C10orf105: variants seen among roughly 807,000 people sequenced by gnomAD.
The protein encoded by C10orf105 is uncharacterized protein C10orf105.
C10orf105 carries 2 observed loss-of-function variants against 0.6 expected under a neutral mutation model. The observed-to-expected ratio is 3.18, with a 90% CI of 1.30 to 10.01. C10orf105 has a LOEUF of 10.01. Among genes scored for constraint, C10orf105 ranks in the 30% most tolerant of loss-of-function variants. C10orf105 has a pLI of 0.04. For missense variants in C10orf105, 209 were observed against 191.4 expected (o/e 1.09, Z -0.54); for synonymous variants, 95 against 82.4 (o/e 1.15, Z -0.83).
In C10orf105 at chr10:71,712,825, G is replaced by C. The variant is rs187975106; in HGVS notation, c.*3111C>G. 6.2e-7 allele frequency: 1 copy of C among 1,608,272 alleles called. No homozygotes were observed. The highest frequency in any genetic ancestry group is 1.7e-5 in the Admixed American group (1 of 59,156). ...ACAGCATCTTGCAGGCAGGTGGCCC[G>C]TGGCCTCTGGGGCAGGTGGTGGGCT... On this transcript the variant is annotated 3_prime_UTR_variant, in exon 2 of 2. Coordinates refer to ENST00000441508, the MANE Select transcript of C10orf105 (RefSeq NM_001164375.3).
chr10:71,729,520 G>A (rs750491224), intron 1 of C10orf105, among the ~76,000 whole-genome samples: 13 of 152,154 alleles, frequency 8.5e-5, no homozygotes, highest in African/African-American at 2.9e-4. Context: ...CCTAGGGGAC[G>A]GAAGTTCCCA....
rs567764577 is a variant in C10orf105, at chr10:71,730,677, T to G, written c.-6+7051A>C. On this transcript the variant is annotated intron_variant, in intron 1 of 1. Coordinates refer to the C10orf105 transcript ENST00000398786. ...CTCCCCAGCTCACCCAGCCCCTCCT[T>G]CGAAACGGTCATCCCTGATGCTTCA... 1.9e-6 allele frequency: 3 copies of G among 1,581,812 alleles called. No homozygotes were observed. In the East Asian group the frequency reaches 6.9e-5, roughly 36 times the overall value.
At position 71,729,314 on chromosome 10, in the gene C10orf105, A is replaced by T. The variant is rs562624128; in HGVS notation, c.-6+8414T>A. Among the ~76,000 whole-genome samples the T allele has an allele frequency of 2.6e-5, 4 of 152,342 alleles. No individual in the cohort carries two copies. In the South Asian group the frequency reaches 8.3e-4, roughly 32 times the overall value. ...CTGAGACAAGGATTGGTGTGAAAGT[A>T]ATGTGTAAGAAGCGCCCACAGGAAA... On this transcript the variant is annotated intron_variant, in intron 1 of 1. Coordinates refer to the C10orf105 transcript ENST00000398786.
At chr10:71,734,679 G>A (rs1005390544) in intron 1 of C10orf105, 5 of 1,398,662 alleles carry the variant, frequency 3.6e-6, no homozygotes, top group Non-Finnish European at 3.9e-6. Flanking sequence ...TGTGGCTGGA[G>A]CTTCCCCTGT....
upstream of C10orf105, among the ~76,000 whole-genome samples, chr10:71,723,155 G>A (rs140318634): frequency 1.4e-3 from 210 of 152,266 alleles, no homozygotes; most frequent in Non-Finnish European, 2.6e-3. Flanking sequence ...GAGAGCCCAG[G>A]GCCTTACAAA....
In C10orf105 at chr10:71,713,359, T is replaced by C; in HGVS notation, c.*2577A>G. The C allele has an allele frequency of 1.3e-6, 1 of 754,226 alleles. No homozygotes were observed. Among genetic ancestry groups the C allele is most frequent in the South Asian group, 1.4e-5 (1 of 71,814 alleles). 46.7% of individuals were successfully genotyped at this position (754,226 alleles called of 1,614,324 possible). On this transcript the variant is annotated 3_prime_UTR_variant, in exon 2 of 2. Coordinates refer to ENST00000441508, the MANE Select transcript of C10orf105 (RefSeq NM_001164375.3). ...GCACCCACACCTCTGCCCAGAGGCC[T>C]CAGTTGCTGGGTGGGGAGGGAGGCC... is the stretch of plus-strand genomic sequence containing the variant.
In C10orf105 at chr10:71,713,811, A is replaced by C. The variant is rs1866094094; in HGVS notation, c.*2125T>G. ...CCCCCACCCCAACCTCCAGGAAGAC[A>C]GTGCCTAGTGGCCAGCAGGGCCTGC... On this transcript the variant is annotated 3_prime_UTR_variant, in exon 2 of 2. Transcript: ENST00000441508. 6.4e-6 allele frequency: 1 copy of C among 155,926 alleles called. No homozygotes were observed. 9.7% of individuals were successfully genotyped at this position (155,926 alleles called of 1,614,324 possible).
chr10:71,716,406 G>C, intron 1 of C10orf105, 64 bp from the exon 2 acceptor site: 1 of 1,347,374 alleles, frequency 7.4e-7, no homozygotes, highest in Non-Finnish European at 9.9e-7. Flanking sequence ...GCGGGTATAG[G>C]GAAGACTTAC....
intron 1 of C10orf105, chr10:71,737,697 C>A (rs896087110): frequency 2.1e-6 from 1 of 470,426 alleles, no homozygotes; most frequent in Non-Finnish European, 4.4e-6. Context: ...TCCAACCCCC[C>A]TCACACCCTC....
In C10orf105 at chr10:71,716,024, T is replaced by A; in HGVS notation, c.314A>T (p.His105Leu). 1 of 1,500,570 alleles carries A rather than the reference T, an allele frequency of 6.7e-7. No individual in the cohort carries two copies. Among genetic ancestry groups the A allele is most frequent in the East Asian group, 2.5e-5 (1 of 40,264 alleles). 93.0% of individuals were successfully genotyped at this position (1,500,570 alleles called of 1,614,324 possible). A position where few individuals can be genotyped will look rare whatever the true frequency, so the allele number is the denominator to read the frequency against. ...CTGTCGAGGGACGGTGGGCCGGCCA[T>A]GGCGGAAGCTGTGCAGGGAGAGGCG... ...SLRLSLHSFR[H>L]GRPTVPRQPL... is the part of the protein sequence containing the mutation. Residue 105 changes from histidine to leucine, a missense_variant, in exon 2 of 2, where the codon CAT (histidine) becomes CTT (leucine). His to Leu is a moderately conservative substitution (Grantham distance 99). Coordinates refer to ENST00000441508, the MANE Select transcript of C10orf105 (RefSeq NM_001164375.3).
Position 71,713,211 on chromosome 10 carries a change from G to T in C10orf105, c.*2725C>A, listed in dbSNP as rs753237116. ...AGCTGCTTTCACAGAGCCCTTGGCC[G>T]AGGCTCCCCTCTTGGGAAGTAAACA... On this transcript the variant is annotated 3_prime_UTR_variant, in exon 2 of 2. Transcript: ENST00000441508. 1.3e-6 allele frequency: 1 copy of T among 779,176 alleles called. No homozygotes were observed. Among genetic ancestry groups the T allele is most frequent in the East Asian group, 2.4e-5 (1 of 41,246 alleles). 48.3% of individuals were successfully genotyped at this position (779,176 alleles called of 1,614,324 possible).
chr10:71,716,680 C>T (rs1338268263), intron 1 of C10orf105: 6 of 230,756 alleles, frequency 2.6e-5, no homozygotes, highest in Non-Finnish European at 4.2e-5. Flanking sequence ...AAACTTAAGA[C>T]CAACTCTGTC....
Position 71,728,527 on chromosome 10 carries a change from A to G in C10orf105, c.-6+9201T>C, listed in dbSNP as rs368362214. On this transcript the variant is annotated intron_variant, in intron 1 of 1. Transcript: ENST00000398786. The stretch of plus-strand genomic sequence containing the variant: ...CCAGCTGATTCCCAGCTAATCCCCA[A>G]AGAGAAAGCAGGGCTGATCCCAGAG... Among the ~76,000 whole-genome samples the G allele has an allele frequency of 2.6e-5, 4 of 152,080 alleles. No individual in the cohort carries two copies. The East Asian group carries it at 7.7e-4, about 29-fold the overall frequency.
chr10:71,727,999 C>T (rs1361678372), intron 1 of C10orf105, among the ~76,000 whole-genome samples: 3 of 152,186 alleles, frequency 2.0e-5, no homozygotes, highest in African/African-American at 7.2e-5. Flanking sequence ...ACAGGCCACA[C>T]CCCAGCTCCC....
rs1866221234 is a variant in C10orf105, at chr10:71,716,171, A to G, written c.167T>C (p.Met56Thr). Residue 56 changes from methionine (M) to threonine (T), a missense_variant, in exon 2 of 2, where the codon ATG becomes ACG. By Grantham distance (81) the Met-to-Thr change is moderately conservative (BLOSUM62 -1). Coordinates refer to ENST00000441508, the MANE Select transcript of C10orf105 (RefSeq NM_001164375.3). Reference protein sequence around the residue: ...FLLLATCLLFMTLCKPAALDP... With the variant: ...FLLLATCLLFTTLCKPAALDP... The stretch of plus-strand genomic sequence containing the variant: ...CAGCGCGGCCGGCTTGCAGAGCGTC[A>G]TGAACAGCAGACAGGTGGCCAGCAG... The G allele has an allele frequency of 6.4e-7, 1 of 1,550,988 alleles. No homozygotes were observed. The highest frequency in any genetic ancestry group is 8.7e-7 in the Non-Finnish European group (1 of 1,146,820).
intron 1 of C10orf105, chr10:71,732,746 T>TTAATGATACGGCGA: frequency 1.4e-5 from 16 of 1,126,696 alleles, no homozygotes; most frequent in South Asian, 8.5e-5. Context: ...CTTCTGTTTT[T>TTAATGATACGGCGA]CCTTCTGTTT....
rs1327565968 is a variant in C10orf105, at chr10:71,730,559, A to G, written c.-6+7169T>C. 2 of 1,613,922 alleles carry G rather than the reference A, an allele frequency of 1.2e-6. No individual in the cohort carries two copies. Among genetic ancestry groups the G allele is most frequent in the Admixed American group, 1.7e-5 (1 of 60,026 alleles). On this transcript the variant is annotated intron_variant, in intron 1 of 1. Transcript: ENST00000398786. ...TCTGGGGCTTCGAGAGACCGCAGGC[A>G]TTGGAACGTCAGTCATCGTGGTCCA...
exon 1 of C10orf105, chr10:71,737,735 T>C (rs1194534954): frequency 4.3e-6 from 2 of 470,196 alleles, no homozygotes; most frequent in Non-Finnish European, 8.8e-6. Context: ...TACCTGTGAT[T>C]CCAGCCGCAG....
chr10:71,716,338 G>T lies in C10orf105; in HGVS notation c.-1C>A, dbSNP rs755015790. The T allele has an allele frequency of 4.8e-6, 7 of 1,470,144 alleles. No individual in the cohort carries two copies. Among genetic ancestry groups the T allele is most frequent in the Non-Finnish European group, 6.3e-6 (7 of 1,106,060 alleles). The allele number at this position is 1,470,144 out of a possible 1,614,324, so 91.1% of individuals were successfully genotyped here. On this transcript the variant is annotated 5_prime_UTR_variant, in exon 2 of 2. Coordinates refer to ENST00000441508, the MANE Select transcript of C10orf105 (RefSeq NM_001164375.3). The stretch of plus-strand genomic sequence containing the variant: ...CGAGGCTGGGGCCCTCTGTGCTCAT[G>T]GCTCCTGCAACAGCAACAAGACAGA...
Sources: allele counts gnomAD v4.1 joint callset (sites outside exome capture counted in the v4.1 genomes callset), GRCh38; gene constraint gnomAD v4.1.1; transcripts MANE v1.5; gene names NCBI Gene and HGNC (gene_info 2026-07-23, HGNC 2026-07-21).